ATP2B2: variants seen among roughly 807,000 people sequenced by gnomAD.
ATP2B2 encodes the protein ATPase plasma membrane Ca2+ transporting 2, also known as plasma membrane calcium-transporting ATPase 2.
ATP2B2 carries 15 observed loss-of-function variants against 120.0 expected under a neutral mutation model. The ratio of observed to expected loss-of-function variants is 0.12; its 90% confidence interval spans 0.08 to 0.19. The LOEUF (loss-of-function observed/expected upper bound fraction) is 0.19, where lower values mean the gene tolerates loss of function less well. Ranked by LOEUF, ATP2B2 falls within the 10% of genes least tolerant of loss-of-function variation. ATP2B2 has a pLI of 1.00. For synonymous variants in ATP2B2, 694 were observed against 700.3 expected (o/e 0.99, Z 0.14); for missense variants, 1,045 against 1,719.8 (o/e 0.61, Z 6.94).
chr3:10,615,314 A>C (rs543403807), intron 2 of ATP2B2, among the ~76,000 whole-genome samples: 1 of 152,330 alleles, frequency 6.6e-6, no homozygotes, highest in African/African-American at 2.4e-5. Context: ...CCAGTGGTCT[A>C]GGCAAGACAT....
intron 1 of ATP2B2, among the ~76,000 whole-genome samples, chr3:10,632,938 TA>T (rs1344166819): frequency 7.9e-5 from 12 of 152,246 alleles, no homozygotes; most frequent in Admixed American, 2.0e-4. Flanking sequence ...AGCCCTGCCA[TA>T]AGGGCATCTG....
intron 1 of ATP2B2, among the ~76,000 whole-genome samples, chr3:10,677,589 A>AT (rs1175407311): frequency 6.6e-6 from 1 of 152,170 alleles, no homozygotes; most frequent in Non-Finnish European, 1.5e-5. Context: ...TGTAATACAT[A>AT]TATCACTCTG....
chr3:10,606,922 GA>G lies in ATP2B2; in HGVS notation c.-415+12994del, dbSNP rs1559483109. 5.5e-3 allele frequency among the ~76,000 whole-genome samples: 574 copies of G among 104,684 alleles called. 1 individual carries two copies. Among genetic ancestry groups the G allele is most frequent in the Non-Finnish European group, 8.0e-3 (457 of 56,832 alleles). 68.7% of individuals were successfully genotyped at this position (104,684 alleles called of 152,430 possible). On this transcript the variant is annotated intron_variant, in intron 2 of 21. Coordinates refer to the ATP2B2 transcript ENST00000646379. ...ACACACACACACACACAGAGAGAGA[GA>G]GAGAGAGAGAGAGAGGGAGAGGGAG...
chr3:10,510,481 C>T (rs1051468774), upstream of ATP2B2, among the ~76,000 whole-genome samples: 2 of 152,190 alleles, frequency 1.3e-5, no homozygotes, highest in Non-Finnish European at 2.9e-5. Context: ...GAATCTGGGT[C>T]CTGGAACTGC....
At chr3:10,669,250 T>C (rs1305900462) in intron 1 of ATP2B2, among the ~76,000 whole-genome samples, 4 of 152,104 alleles carry the variant, frequency 2.6e-5, no homozygotes, top group African/African-American at 9.7e-5. Flanking sequence ...GCCACATCTT[T>C]GGGGTTACAG....
chr3:10,505,088 A>C (rs142367787), intron 1 of ATP2B2, among the ~76,000 whole-genome samples: 237 of 152,238 alleles, frequency 1.6e-3, no homozygotes, highest in African/African-American at 5.3e-3. Context: ...GTCCCCTGCC[A>C]CCAGCTTGCT....
At chr3:10,585,493 G>GAA (rs60670471) in intron 2 of ATP2B2, among the ~76,000 whole-genome samples, 4,599 of 28,428 alleles carry the variant, frequency 0.16, 696 homozygotes, top group African/African-American at 0.2. Context: ...GACTCCGTCT[G>GAA]AAAAAAAAAA....
intron 1 of ATP2B2, among the ~76,000 whole-genome samples, chr3:10,461,552 T>C (rs73018780): frequency 0.26 from 40,240 of 152,056 alleles, 5,759 homozygotes; most frequent in Admixed American, 0.34. Flanking sequence ...ACAGGGCTTC[T>C]CAAAGTGGTT....
intron 2 of ATP2B2, among the ~76,000 whole-genome samples, chr3:10,614,327 C>T (rs2069323120): frequency 6.6e-6 from 1 of 151,822 alleles, no homozygotes; most frequent in Non-Finnish European, 1.5e-5. Flanking sequence ...TATAAATGAT[C>T]TGGTACCTCC....
At chr3:10,490,640 C>G (rs1223701115) in intron 1 of ATP2B2, among the ~76,000 whole-genome samples, 2 of 151,702 alleles carry the variant, frequency 1.3e-5, no homozygotes, top group African/African-American at 4.9e-5. Flanking sequence ...CTCAAGTGAT[C>G]TGCCCACCTC....
chr3:10,370,021 C>G (rs569667727), intron 12 of ATP2B2, among the ~76,000 whole-genome samples: 2 of 152,300 alleles, frequency 1.3e-5, no homozygotes, highest in East Asian at 1.9e-4. Context: ...GGGTTACAAA[C>G]CAAGGACCCC....
chr3:10,426,640 G>A (rs773139433), intron 2 of ATP2B2, among the ~76,000 whole-genome samples: 9 of 152,196 alleles, frequency 5.9e-5, no homozygotes, highest in Non-Finnish European at 1.0e-4. Context: ...CCTCAGCCTG[G>A]GATGTCACTT....
chr3:10,570,892 T>C (rs1179111754), intron 2 of ATP2B2, among the ~76,000 whole-genome samples: 2 of 152,218 alleles, frequency 1.3e-5, no homozygotes, highest in Non-Finnish European at 2.9e-5. Context: ...ACTTTGCCCA[T>C]CTGAGGCCCC....
intron 1 of ATP2B2, among the ~76,000 whole-genome samples, chr3:10,678,255 G>C (rs1243807332): frequency 6.6e-6 from 1 of 152,154 alleles, no homozygotes; most frequent in Non-Finnish European, 1.5e-5. Flanking sequence ...TTTAATAAAG[G>C]CTGGATGGGC....
intron 3 of ATP2B2, among the ~76,000 whole-genome samples, chr3:10,532,920 C>G (rs1264689643): frequency 1.3e-5 from 2 of 152,204 alleles, no homozygotes; most frequent in Admixed American, 6.5e-5. Flanking sequence ...TTTCTTCTCT[C>G]TGGGCATCAG....
rs117714164 is a variant in ATP2B2 at position 10,468,317 on chromosome 3, C to A, written c.-319-18455G>T. Among the ~76,000 whole-genome samples, 48 of 152,326 alleles carry A rather than the reference C, an allele frequency of 3.2e-4. No homozygotes were observed. The East Asian group carries it at 7.7e-3, about 25-fold the overall frequency. ...AGTACAGGGGCCATGGCTGGCCCAG[C>A]GGGCTGGGTGTGAGGGGTGGGAAGC... On this transcript the variant is annotated intron_variant, in intron 1 of 22. Transcript: ENST00000360273.
intron 1 of ATP2B2, among the ~76,000 whole-genome samples, chr3:10,662,512 C>T (rs4684049): frequency 0.53 from 70,255 of 133,040 alleles, 21,655 homozygotes; most frequent in Non-Finnish European, 0.62. Context: ...CCCTGGCCAT[C>T]AGAGAAATGC....
At chr3:10,355,597 A>G (rs918561872) in intron 14 of ATP2B2, among the ~76,000 whole-genome samples, 3 of 152,096 alleles carry the variant, frequency 2.0e-5, no homozygotes, top group African/African-American at 4.8e-5. Flanking sequence ...CGTTAGCGGC[A>G]AAGTCGGGGT....
In ATP2B2 at chr3:10,410,664, G is replaced by A. The variant is rs1335766625; in HGVS notation, c.351C>T (p.Ile117=). Residue 117 remains isoleucine (I), a synonymous_variant, in exon 3 of 23, where the codon ATC becomes ATT. Coordinates refer to ENST00000360273, the MANE Select transcript of ATP2B2 (RefSeq NM_001001331.4). ...TLIILEIAAI[I]SLGLSFYHPP... is the part of the protein sequence containing the mutation. ...GGTGGTAGAAGGACAGCCCCAGGGAGATGATGGCGGCAATCTCCAGGATGA... is the reference window on the plus strand; with the variant it reads ...GGTGGTAGAAGGACAGCCCCAGGGAAATGATGGCGGCAATCTCCAGGATGA... The A allele has an allele frequency of 3.7e-6, 6 of 1,613,920 alleles. No homozygotes were observed. The highest frequency in any genetic ancestry group is 5.1e-6 in the Non-Finnish European group (6 of 1,179,900).
Sources: gnomAD v4.1 joint callset for allele counts (sites outside exome capture counted in the v4.1 genomes callset) on GRCh38, gnomAD v4.1.1 for gene constraint, MANE v1.5 for transcripts, NCBI Gene and HGNC (gene_info 2026-07-23, HGNC 2026-07-21) for gene names.